DPYD: variants seen among roughly 807,000 people sequenced by gnomAD.
DPYD encodes the protein dihydropyrimidine dehydrogenase, also known as dihydropyrimidine dehydrogenase [NADP(+)].
Under a neutral mutation model 116.2 loss-of-function variants are expected in DPYD, and 109 were observed. The observed-to-expected ratio is 0.94, with a 90% CI of 0.80 to 1.10. The LOEUF (loss-of-function observed/expected upper bound fraction) is 1.10, where lower values mean the gene tolerates loss of function less well. Among genes scored for constraint, DPYD ranks in the 50% least tolerant of loss-of-function variants. DPYD has a pLI of 0.00. For missense variants in DPYD, 1,302 were observed against 1,254.5 expected (o/e 1.04, Z -0.57); for synonymous variants, 440 against 432.0 (o/e 1.02, Z -0.23).
intron 20 of DPYD, among the ~76,000 whole-genome samples, chr1:97,160,637 A>AATTTCTCTT (rs1655823577): frequency 6.6e-6 from 1 of 152,046 alleles, no homozygotes; most frequent in African/African-American, 2.4e-5. Context: ...TGGTACTTAA[A>AATTTCTCTT]ATTTCTCTTA....
intron 14 of DPYD, among the ~76,000 whole-genome samples, chr1:97,391,417 C>T (rs374877946): frequency 5.9e-5 from 9 of 152,036 alleles, no homozygotes; most frequent in South Asian, 2.1e-4. Flanking sequence ...CTATCTTTGT[C>T]GCCCACATCC....
At chr1:97,136,076 G>T (rs11165788) in intron 20 of DPYD, among the ~76,000 whole-genome samples, 8 of 152,044 alleles carry the variant, frequency 5.3e-5, no homozygotes, top group Non-Finnish European at 8.8e-5. Flanking sequence ...TCAATATAAC[G>T]TTAAGACTGA....
intron 18 of DPYD, among the ~76,000 whole-genome samples, chr1:97,304,466 G>C (rs1043930815): frequency 6.6e-6 from 1 of 151,934 alleles, no homozygotes; most frequent in Non-Finnish European, 1.5e-5. Flanking sequence ...GAATACCTCA[G>C]CATGGATAGA....
At chr1:97,179,938 G>A (rs1178808311) in intron 20 of DPYD, among the ~76,000 whole-genome samples, 1 of 152,030 alleles carries the variant, frequency 6.6e-6, no homozygotes, top group African/African-American at 2.4e-5. Context: ...GAAAGGAGAT[G>A]GATATTTCAT....
chr1:97,335,431 T>C (rs745792815), intron 16 of DPYD, among the ~76,000 whole-genome samples: 7 of 152,070 alleles, frequency 4.6e-5, no homozygotes, highest in East Asian at 1.9e-4. Context: ...GATTCCAATA[T>C]TCAGAAATGA....
At chr1:97,107,359 C>T (rs1651244519) in intron 20 of DPYD, among the ~76,000 whole-genome samples, 1 of 152,124 alleles carries the variant, frequency 6.6e-6, no homozygotes, top group Non-Finnish European at 1.5e-5. Flanking sequence ...TGTTGGTGGA[C>T]AACCTGGGAA....
At chr1:97,436,496 T>C (rs1226583675) in intron 14 of DPYD, among the ~76,000 whole-genome samples, 2 of 151,936 alleles carry the variant, frequency 1.3e-5, no homozygotes, top group Non-Finnish European at 2.9e-5. Context: ...TGGTTCAGTG[T>C]GTTAGATGCT....
At chr1:97,214,688 C>G (rs1438375269) in intron 19 of DPYD, among the ~76,000 whole-genome samples, 1 of 152,140 alleles carries the variant, frequency 6.6e-6, no homozygotes, top group Admixed American at 6.5e-5. Flanking sequence ...GATACATTTC[C>G]TCTCCATTTT....
intron 1 of DPYD, among the ~76,000 whole-genome samples, chr1:97,916,451 T>A (rs552703709): frequency 2.0e-5 from 3 of 152,174 alleles, no homozygotes; most frequent in Non-Finnish European, 4.4e-5. Flanking sequence ...GTCCTTGTGA[T>A]AGTTTGCTGA....
chr1:97,319,137 C>T (rs1217792725), intron 16 of DPYD, among the ~76,000 whole-genome samples: 5 of 131,992 alleles, frequency 3.8e-5, no homozygotes, highest in Non-Finnish European at 8.0e-5. Flanking sequence ...CAGGAAAGAT[C>T]CAAAATTGAC....
chr1:97,865,188 T>C lies in DPYD; in HGVS notation c.150+18076A>G, dbSNP rs143479599. Among the ~76,000 whole-genome samples, 1,023 of 152,000 alleles carry C rather than the reference T, an allele frequency of 6.7e-3. 22 individuals carry two copies. Among genetic ancestry groups the C allele is most frequent in the Non-Finnish European group, 4.5e-3 (304 of 67,914 alleles). On this transcript the variant is annotated intron_variant, in intron 2 of 22. Transcript: ENST00000370192. ...CAAGTTGGTCAGGTAAAGACTTGTC[T>C]GCCTATTATTTGGATTTTATAGGAA...
chr1:97,292,360 G>C (rs77472302), intron 18 of DPYD, among the ~76,000 whole-genome samples: 2 of 152,154 alleles, frequency 1.3e-5, no homozygotes, highest in African/African-American at 4.8e-5. Flanking sequence ...GTCAGAACGG[G>C]AAGCAAACAT....
chr1:97,373,783 T>C (rs750906173), intron 15 of DPYD, 139 bp from the exon 16 acceptor site: 2 of 721,162 alleles, frequency 2.8e-6, no homozygotes, highest in Non-Finnish European at 4.7e-6. Context: ...TTGTGAGGTA[T>C]AGTCTCTCTC....
chr1:97,651,115 T>A lies in DPYD; in HGVS notation c.850+27980A>T, dbSNP rs140157364. Among the ~76,000 whole-genome samples, 644 of 152,294 alleles carry A rather than the reference T, an allele frequency of 4.2e-3. 9 individuals carry two copies. The highest frequency in any genetic ancestry group is 0.015 in the African/African-American group (607 of 41,564). Reference sequence around the variant, plus strand: ...TAAGTAGCTATAATTTATTCATCTTTATACATAAAACATGTACAATTTTAA... The same window carrying A: ...TAAGTAGCTATAATTTATTCATCTTAATACATAAAACATGTACAATTTTAA... On this transcript the variant is annotated intron_variant, in intron 8 of 22. Transcript: ENST00000370192.
intron 13 of DPYD, among the ~76,000 whole-genome samples, chr1:97,473,285 C>T (rs906828012): frequency 2.0e-5 from 3 of 152,186 alleles, no homozygotes; most frequent in Non-Finnish European, 2.9e-5. Flanking sequence ...TAGGTTCATC[C>T]ATGTTGCCCC....
At chr1:97,411,672 A>C (rs968648137) in intron 14 of DPYD, among the ~76,000 whole-genome samples, 2 of 152,202 alleles carry the variant, frequency 1.3e-5, no homozygotes, top group African/African-American at 4.8e-5. Flanking sequence ...TCAACCAAAA[A>C]TGTTTCCCAC....
At chr1:97,258,149 G>T (rs536667592) in intron 18 of DPYD, among the ~76,000 whole-genome samples, 5 of 152,252 alleles carry the variant, frequency 3.3e-5, no homozygotes, top group African/African-American at 7.2e-5. Flanking sequence ...GCTAGATGGA[G>T]AGTGGGGCAG....
At chr1:97,692,696 A>G (rs1382514234) in intron 6 of DPYD, among the ~76,000 whole-genome samples, 3 of 152,214 alleles carry the variant, frequency 2.0e-5, no homozygotes, top group Non-Finnish European at 2.9e-5. Flanking sequence ...CTCACTGTTA[A>G]TAAGTTCTTT....
chr1:97,586,465 CATATATATATATATATATATATAT>C (rs57301424), intron 10 of DPYD, among the ~76,000 whole-genome samples: 1,077 of 34,348 alleles, frequency 0.031, 47 homozygotes, highest in African/African-American at 0.084. Flanking sequence ...TACATACATA[CATATATATATATATATATATATAT>C]ATATATATAT....
Sources: allele counts gnomAD v4.1 joint callset (sites outside exome capture counted in the v4.1 genomes callset), GRCh38; gene constraint gnomAD v4.1.1; transcripts MANE v1.5; gene names NCBI Gene and HGNC (gene_info 2026-07-23, HGNC 2026-07-21).